The following PALM variants were observed in gnomAD, a reference collection of about 807,000 sequenced individuals.
PALM encodes the protein paralemmin, also known as paralemmin-1.
A neutral mutation model predicts 30.7 loss-of-function variants in PALM; 18 were observed. The observed-to-expected ratio is 0.59, with a 90% confidence interval of 0.41 to 0.87. PALM has a LOEUF of 0.87. Among genes scored for constraint, PALM ranks in the 40% least tolerant of loss-of-function variants. The probability of loss-of-function intolerance (pLI) is 0.00; values close to 1 mark genes in which losing one functional copy is unlikely to be tolerated. For synonymous variants in PALM, 286 were observed against 242.8 expected (o/e 1.18, Z -1.66); for missense variants, 529 against 555.4 (o/e 0.95, Z 0.48).
chr19:722,660 G>C (rs1049659284), intron 1 of PALM: 1 of 152,328 alleles, frequency 6.6e-6, no homozygotes, highest in South Asian at 2.1e-4. Context: ...GGCAGGAAGC[G>C]AGGGCCCGGG....
Position 726,177 on chromosome 19 carries a change from G to A in PALM, c.45G>A (p.Leu15=). The A allele has an allele frequency of 6.2e-7, 1 of 1,613,114 alleles. No homozygotes were observed. Among genetic ancestry groups the A allele is most frequent in the Non-Finnish European group, 8.5e-7 (1 of 1,179,782 alleles). ...AGACCACGTCCCAGCAGGAGCGGCT[G>A]CAGGCCATCGCAGTGAGTTTCCGCC... ...AAETTSQQER[L]QAIAEKRKRQ... is the part of the protein sequence containing the mutation. Residue 15 remains leucine, a synonymous_variant, in exon 2 of 9, where the codon CTG becomes CTA. Coordinates refer to ENST00000338448, the MANE Select transcript of PALM (RefSeq NM_002579.3).
At chr19:713,720 A>C (rs2032158972) in intron 1 of PALM, among the ~76,000 whole-genome samples, 3 of 151,886 alleles carry the variant, frequency 2.0e-5, no homozygotes, top group Admixed American at 6.6e-5. Context: ...CTGGGACTAC[A>C]GGCATGCGCC....
chr19:713,415 G>A (rs2032149390), intron 1 of PALM, among the ~76,000 whole-genome samples: 1 of 152,232 alleles, frequency 6.6e-6, no homozygotes, highest in Middle Eastern at 3.4e-3. Context: ...TGGCGAGTGG[G>A]GATGTGACTG....
intron 1 of PALM, among the ~76,000 whole-genome samples, chr19:713,206 T>A (rs187084974): frequency 6.6e-6 from 1 of 152,132 alleles, no homozygotes; most frequent in Non-Finnish European, 1.5e-5. Context: ...GACATCCTGG[T>A]GTCGGCTTTC....
At chr19:719,395 CG>C (rs1253907187) in intron 1 of PALM, 1 of 985,366 alleles carries the variant, frequency 1.0e-6, no homozygotes, top group Non-Finnish European at 1.2e-6. Context: ...ACGCCCTCGC[CG>C]GGCCCCGAGC....
Position 747,151 on chromosome 19 carries a change from G to T in PALM, c.*337G>T. The T allele has an allele frequency of 3.7e-6, 1 of 266,794 alleles. No individual in the cohort carries two copies. Among genetic ancestry groups the T allele is most frequent in the Non-Finnish European group, 7.2e-6 (1 of 139,384 alleles). 16.5% of individuals were successfully genotyped at this position (266,794 alleles called of 1,614,324 possible). On this transcript the variant is annotated 3_prime_UTR_variant, in exon 9 of 9. Coordinates refer to ENST00000338448, the MANE Select transcript of PALM (RefSeq NM_002579.3). ...GGGGTCCTGGCGGGTGGGACCCGCA[G>T]CCTCCACGCGGCCCAGGCCAGCCTG... is the stretch of plus-strand genomic sequence containing the variant.
intron 7 of PALM, among the ~76,000 whole-genome samples, chr19:739,333 C>T (rs569489094): frequency 9.8e-4 from 149 of 152,218 alleles, no homozygotes; most frequent in African/African-American, 3.3e-3. Flanking sequence ...CCCCAGTCTC[C>T]GCCGTGACCC....
At chr19:714,350 TTTTC>T (rs1458722985) in intron 1 of PALM, among the ~76,000 whole-genome samples, 2 of 144,856 alleles carry the variant, frequency 1.4e-5, no homozygotes, top group Admixed American at 7.2e-5. Context: ...TACGTTCTTT[TTTTC>T]TTTCTTTTTT....
intron 1 of PALM, among the ~76,000 whole-genome samples, chr19:716,006 C>T (rs1327505359): frequency 1.3e-5 from 2 of 152,220 alleles, no homozygotes; most frequent in East Asian, 3.9e-4. Context: ...GAGTGGCTGT[C>T]TCCCGCCCCA....
intron 1 of PALM, chr19:711,099 A>T: frequency 3.0e-6 from 2 of 655,776 alleles, no homozygotes; most frequent in Non-Finnish European, 3.8e-6. Flanking sequence ...TTAAGAATTT[A>T]AAGAATTTTA....
intron 1 of PALM, chr19:719,224 G>A (rs2032372128): frequency 1.0e-6 from 1 of 985,472 alleles, no homozygotes; most frequent in African/African-American, 1.7e-5. Flanking sequence ...GCCTCGGACA[G>A]GGCCCGCCCT....
intron 7 of PALM, among the ~76,000 whole-genome samples, chr19:738,769 G>C (rs546988792): frequency 6.6e-6 from 1 of 152,196 alleles, no homozygotes; most frequent in Non-Finnish European, 1.5e-5. Context: ...CCTAAGCGTC[G>C]AGGTTGGGTG....
chr19:736,256 G>T (rs941638113), intron 7 of PALM, 178 bp downstream of exon 7: 7 of 533,454 alleles, frequency 1.3e-5, no homozygotes, highest in Non-Finnish European at 2.3e-5. Flanking sequence ...TGGGGTGGGG[G>T]CCCCCTCTGC....
intron 7 of PALM, among the ~76,000 whole-genome samples, chr19:739,880 G>A (rs2033135502): frequency 6.6e-6 from 1 of 152,208 alleles, no homozygotes; most frequent in Admixed American, 6.5e-5. Flanking sequence ...GAAGGCTGAG[G>A]CAGGAGAATC....
chr19:736,450 C>T (rs1278968979), intron 7 of PALM, among the ~76,000 whole-genome samples: 1 of 152,192 alleles, frequency 6.6e-6, no homozygotes, highest in Non-Finnish European at 1.5e-5. Context: ...CTGCTCCAGT[C>T]CTCGGGCAGT....
chr19:740,361 C>T lies in PALM; in HGVS notation c.512C>T (p.Ser171Leu), dbSNP rs1051255493. 12 of 1,565,742 alleles carry T rather than the reference C, an allele frequency of 7.7e-6. No individual in the cohort carries two copies. Among genetic ancestry groups the T allele is most frequent in the African/African-American group, 5.4e-5 (4 of 73,852 alleles). The change falls in exon 8 of 9, where the codon TCG becomes TTG. Residue 171 changes from serine (S) to leucine (L), a missense_variant. By Grantham distance (145) the Ser-to-Leu change is moderately radical. Transcript: ENST00000338448. The part of the protein sequence containing the change: ...GSPMMKAAMY[S>L]VEITVEKDKV... ...GTGACTCTCGTGCCAGCCATGTACTCGGTTGAGATCACTGTGGAGAAGGAC... is the reference window on the plus strand; with the variant it reads ...GTGACTCTCGTGCCAGCCATGTACTTGGTTGAGATCACTGTGGAGAAGGAC...
chr19:742,129 C>G lies in PALM; in HGVS notation c.634+1646C>G, dbSNP rs1276414130. On this transcript the variant is annotated intron_variant, in intron 8 of 8. Coordinates refer to ENST00000338448, the MANE Select transcript of PALM (RefSeq NM_002579.3). This position sits in a 1 kb window ranked among gnomAD's most constrained non-coding sequence, Gnocchi z 5.5. ...CTATGATGGCACCCCTGCACTCCAG[C>G]CTGGGCCACAGACCAAGACCCTGTC... is the stretch of plus-strand genomic sequence containing the variant. Among the ~76,000 whole-genome samples the G allele has an allele frequency of 2.0e-5, 3 of 152,170 alleles. No individual in the cohort carries two copies. Among genetic ancestry groups the G allele is most frequent in the Non-Finnish European group, 4.4e-5 (3 of 68,034 alleles).
intron 1 of PALM, among the ~76,000 whole-genome samples, chr19:720,819 G>A (rs928333688): frequency 2.6e-5 from 4 of 152,122 alleles, no homozygotes; most frequent in African/African-American, 9.7e-5. Flanking sequence ...CTCTGTCCCC[G>A]GGTCCGGTCT....
intron 1 of PALM, among the ~76,000 whole-genome samples, chr19:719,840 G>A (rs1433264671): frequency 1.3e-5 from 2 of 152,144 alleles, no homozygotes; most frequent in Admixed American, 1.3e-4. Context: ...CGGTGAAATG[G>A]GGCTGACCCG....
Sources: gnomAD v4.1 joint callset for allele counts (sites outside exome capture counted in the v4.1 genomes callset) on GRCh38, gnomAD v4.1.1 for gene constraint, Gnocchi (gnomAD v3.1) non-coding constraint, MANE v1.5 for transcripts, NCBI Gene and HGNC (gene_info 2026-07-23, HGNC 2026-07-21) for gene names.